GLIS3: variants seen among roughly 807,000 people sequenced by gnomAD.
GLIS3 encodes zinc finger protein GLIS3.
A neutral mutation model predicts 78.6 loss-of-function variants in GLIS3; 53 were observed. The observed-to-expected ratio is 0.67, with a 90% CI of 0.54 to 0.85. The LOEUF (loss-of-function observed/expected upper bound fraction) is 0.85. Among genes scored for constraint, GLIS3 ranks in the 40% least tolerant of loss-of-function variants. The pLI is 0.00. For synonymous variants in GLIS3, 684 were observed against 509.9 expected (o/e 1.34, Z -4.60); for missense variants, 1,703 against 1,231.1 (o/e 1.38, Z -5.74).
the GLIS3 span, among the ~76,000 whole-genome samples, chr9:4,477,606 G>T: frequency 6.6e-6 from 1 of 152,034 alleles, no homozygotes; most frequent in African/African-American, 2.4e-5. Context: ...TAGAGATAAG[G>T]TCTCCCTATG....
intron 2 of GLIS3, among the ~76,000 whole-genome samples, chr9:4,130,250 T>C (rs1451608422): frequency 1.3e-5 from 2 of 152,138 alleles, no homozygotes; most frequent in Admixed American, 6.5e-5. Context: ...AGCCTGGCCA[T>C]GTGGTAGAAA....
chr9:4,193,624 G>A (rs926282265), intron 2 of GLIS3, among the ~76,000 whole-genome samples: 2 of 152,196 alleles, frequency 1.3e-5, no homozygotes, highest in Admixed American at 6.5e-5. Context: ...TGCAAGCTGT[G>A]GGAACAGAGG....
intron 1 of GLIS3, among the ~76,000 whole-genome samples, chr9:4,292,746 A>G (rs1816127337): frequency 1.3e-5 from 2 of 152,216 alleles, no homozygotes; most frequent in Non-Finnish European, 2.9e-5. Context: ...TTTTCATTGC[A>G]GGGGATAGGT....
chr9:4,221,733 G>T (rs144110060), intron 2 of GLIS3, among the ~76,000 whole-genome samples: 10 of 152,132 alleles, frequency 6.6e-5, no homozygotes, highest in Non-Finnish European at 1.2e-4. Context: ...ACATTACAAA[G>T]GAGCAGAAAT....
At chr9:4,398,759 C>T in the GLIS3 span, among the ~76,000 whole-genome samples, 4 of 152,170 alleles carry the variant, frequency 2.6e-5, no homozygotes, top group African/African-American at 9.7e-5. Flanking sequence ...ACGATCTTGG[C>T]TCACTGCAAC....
At chr9:4,446,196 G>C in the GLIS3 span, among the ~76,000 whole-genome samples, 1 of 152,138 alleles carries the variant, frequency 6.6e-6, no homozygotes, top group African/African-American at 2.4e-5. Context: ...GGTATTAAGA[G>C]GTGTGGTCTT....
intron 2 of GLIS3, among the ~76,000 whole-genome samples, chr9:4,194,712 G>C (rs903871722): frequency 6.6e-5 from 10 of 152,192 alleles, no homozygotes; most frequent in African/African-American, 2.4e-4. Flanking sequence ...TGAAGCCCCA[G>C]TACCTGAGAG....
intron 2 of GLIS3, among the ~76,000 whole-genome samples, chr9:4,277,930 A>G (rs1395660947): frequency 6.6e-6 from 1 of 152,230 alleles, no homozygotes; most frequent in Non-Finnish European, 1.5e-5. Flanking sequence ...AGCGAGACTA[A>G]TAAGTTGCCA....
rs1196382337 is a variant in GLIS3, at chr9:4,118,124, G to C, written c.1354C>G (p.Leu452Val). The stretch of plus-strand genomic sequence containing the variant: ...GGTGGGGGGCCTGGGGGCGGCGGCA[G>C]AGGAGGGAGCGGAGGCGCGGGGGGT... ...DLPPAPPLPP[L>V]PPPPGPPPPY... Residue 452 changes from leucine to valine, a missense_variant, in exon 4 of 11, where the codon CTG becomes GTG. Physicochemically the swap from Leu to Val is conservative, Grantham distance 32. Coordinates refer to ENST00000381971, the MANE Select transcript of GLIS3 (RefSeq NM_001042413.2). The surrounding 1 kb of genome is among the most constrained non-coding windows in gnomAD (Gnocchi z 4.7). 1.9e-6 allele frequency: 3 copies of C among 1,552,214 alleles called. No individual in the cohort carries two copies. The highest frequency in any genetic ancestry group is 2.6e-6 in the Non-Finnish European group (3 of 1,148,516).
At chr9:4,462,057 T>G in the GLIS3 span, among the ~76,000 whole-genome samples, 8 of 152,140 alleles carry the variant, frequency 5.3e-5, no homozygotes, top group African/African-American at 1.4e-4. Flanking sequence ...ACGAAGTGAG[T>G]TGGCATGTCT....
At chr9:4,153,283 G>T (rs62524071) in intron 2 of GLIS3, among the ~76,000 whole-genome samples, 1 of 152,266 alleles carries the variant, frequency 6.6e-6, no homozygotes, top group Admixed American at 6.5e-5. Context: ...AAAATTGTGG[G>T]CTGTGCATGG....
At chr9:4,317,403 C>T (rs923130602) in intron 2 of GLIS3, among the ~76,000 whole-genome samples, 9 of 152,156 alleles carry the variant, frequency 5.9e-5, no homozygotes, top group African/African-American at 1.7e-4. Flanking sequence ...ACACATTTCC[C>T]GAGACATTCT....
At position 4,125,922 on chromosome 9, in the gene GLIS3, A is replaced by G. The variant is rs1832541504; in HGVS notation, c.408T>C (p.Pro136=). ...TGCCTTTTCCAATGGACTTGCACTG[A>G]GGCCCAAAGCCAAGAGCCCCTAAAA... ...NPGKGALGFG[P]QCKSIGKGSC... The change falls in exon 3 of 11, where the codon CCT becomes CCC. Residue 136 remains proline (P), a synonymous_variant. Transcript: ENST00000381971. 1 of 1,613,932 alleles carries G rather than the reference A, an allele frequency of 6.2e-7. No homozygotes were observed. The highest frequency in any genetic ancestry group is 8.5e-7 in the Non-Finnish European group (1 of 1,179,920).
chr9:4,424,921 T>C, the GLIS3 span, among the ~76,000 whole-genome samples: 3 of 152,064 alleles, frequency 2.0e-5, no homozygotes, highest in African/African-American at 7.2e-5. Context: ...ATTATATTTG[T>C]GGCCAACGTG....
At chr9:4,027,708 T>C (rs1823462660) in intron 4 of GLIS3, among the ~76,000 whole-genome samples, 1 of 152,222 alleles carries the variant, frequency 6.6e-6, no homozygotes, top group Non-Finnish European at 1.5e-5. Flanking sequence ...GCAATCACAT[T>C]TGACAGCTCT....
intron 6 of GLIS3, among the ~76,000 whole-genome samples, chr9:3,906,590 G>A (rs1823717742): frequency 6.6e-6 from 1 of 152,148 alleles, no homozygotes; most frequent in Non-Finnish European, 1.5e-5. Context: ...GAGAGAACCT[G>A]CAGGTACCTG....
Position 4,286,511 on chromosome 9 carries a change from G to T in GLIS3, c.-86C>A. On this transcript the variant is annotated 5_prime_UTR_variant, in exon 2 of 11. Coordinates refer to ENST00000381971, the MANE Select transcript of GLIS3 (RefSeq NM_001042413.2). ...CAAAGTCCAATAAGTTATCCATGGT[G>T]TGGGTTATAAGCCTGTTTAAAAAAA... The T allele has an allele frequency of 6.6e-7, 1 of 1,509,090 alleles. No individual in the cohort carries two copies. The highest frequency in any genetic ancestry group is 9.1e-7 in the Non-Finnish European group (1 of 1,096,240). 93.5% of individuals were successfully genotyped at this position (1,509,090 alleles called of 1,614,324 possible).
At chr9:4,375,520 C>G in the GLIS3 span, among the ~76,000 whole-genome samples, 2 of 152,276 alleles carry the variant, frequency 1.3e-5, no homozygotes, top group African/African-American at 2.4e-5. Context: ...CTGACTGATG[C>G]TCTCTCTAGG....
chr9:4,285,656 C>G (rs1827923174), intron 2 of GLIS3: 2 of 205,210 alleles, frequency 9.7e-6, no homozygotes, highest in Non-Finnish European at 2.0e-5. Flanking sequence ...AGTCGGTCTT[C>G]TTGTCCATGG....
Sources: gnomAD v4.1 joint callset for allele counts (sites outside exome capture counted in the v4.1 genomes callset) on GRCh38, gnomAD v4.1.1 for gene constraint, Gnocchi (gnomAD v3.1) non-coding constraint, MANE v1.5 for transcripts, NCBI Gene and HGNC (gene_info 2026-07-23, HGNC 2026-07-21) for gene names.